Variants in PTPRD observed in about 807,000 individuals in gnomAD.
The protein encoded by PTPRD is protein tyrosine phosphatase receptor type D.
PTPRD carries 34 observed loss-of-function variants against 214.5 expected under a neutral mutation model. The ratio of observed to expected loss-of-function variants is 0.16; its 90% CI spans 0.12 to 0.21. PTPRD has a LOEUF of 0.21. PTPRD is among the 10% of genes least tolerant of loss of function. The pLI is 1.00. For synonymous variants in PTPRD, 1,128 were observed against 845.7 expected (o/e 1.33, Z -5.79); for missense variants, 2,545 against 2,398.7 (o/e 1.06, Z -1.27).
At chr9:10,207,067 A>G (rs913000652) in intron 3 of PTPRD, among the ~76,000 whole-genome samples, 3 of 152,144 alleles carry the variant, frequency 2.0e-5, no homozygotes, top group Non-Finnish European at 4.4e-5. Context: ...TTCATCATCT[A>G]TCTATATCTC....
intron 3 of PTPRD, among the ~76,000 whole-genome samples, chr9:10,084,434 A>AG (rs928455849): frequency 8.6e-5 from 13 of 151,966 alleles, no homozygotes; most frequent in Non-Finnish European, 1.9e-4. Flanking sequence ...AAATGATAGA[A>AG]GGGAAAAAAT....
intron 35 of PTPRD, among the ~76,000 whole-genome samples, chr9:8,435,136 A>C (rs762133211): frequency 1.1e-4 from 16 of 152,228 alleles, no homozygotes; most frequent in Non-Finnish European, 2.2e-4. Flanking sequence ...CTGGCTCTTG[A>C]GGGTGGAGGT....
chr9:10,422,554 AC>A (rs1168691467), intron 2 of PTPRD, among the ~76,000 whole-genome samples: 1 of 151,954 alleles, frequency 6.6e-6, no homozygotes, highest in African/African-American at 2.4e-5. Flanking sequence ...TTTGCAATCT[AC>A]CCATCTGACA....
intron 9 of PTPRD, among the ~76,000 whole-genome samples, chr9:9,338,279 T>C (rs1222034578): frequency 2.0e-5 from 3 of 152,180 alleles, no homozygotes; most frequent in South Asian, 4.1e-4. Flanking sequence ...GTCTATTCCA[T>C]GTTAGGAATT....
rs117392510 is a variant in PTPRD, at chr9:10,544,416, C to G, written c.-600+67982G>C. 6.2e-3 allele frequency among the ~76,000 whole-genome samples: 943 copies of G among 152,052 alleles called. 3 individuals carry two copies. The highest frequency in any genetic ancestry group is 9.7e-3 in the Non-Finnish European group (657 of 67,978). Reference sequence around the variant, plus strand: ...ATAATAGAATGTCTTTTCATTGTTGCTTTTTTCTTAATTCTTTTCATTGTT... The same window carrying G: ...ATAATAGAATGTCTTTTCATTGTTGGTTTTTTCTTAATTCTTTTCATTGTT... On this transcript the variant is annotated intron_variant, in intron 2 of 45. Transcript: ENST00000381196.
Position 8,648,489 on chromosome 9 carries a change from G to A in PTPRD, c.65-11645C>T, listed in dbSNP as rs138168167. ...TGAAGTCATTCTTACCATTCCTTAT[G>A]CCATAGTCATGCATTCTTAATGAAA... On this transcript the variant is annotated intron_variant, in intron 12 of 45. Transcript: ENST00000381196. 6.1e-4 allele frequency among the ~76,000 whole-genome samples: 93 copies of A among 152,260 alleles called. No individual in the cohort carries two copies. In the East Asian group the frequency reaches 0.018, roughly 29 times the overall value.
chr9:9,670,136 T>A (rs2096798917), intron 7 of PTPRD, among the ~76,000 whole-genome samples: 1 of 152,144 alleles, frequency 6.6e-6, no homozygotes, highest in Non-Finnish European at 1.5e-5. Flanking sequence ...AATTTGTAAT[T>A]TCTGTTGAAC....
At chr9:9,135,613 G>T (rs748807551) in intron 10 of PTPRD, among the ~76,000 whole-genome samples, 7 of 152,004 alleles carry the variant, frequency 4.6e-5, no homozygotes, top group Non-Finnish European at 1.0e-4. Context: ...GAAAATATTG[G>T]ATTTGAAGCT....
intron 3 of PTPRD, among the ~76,000 whole-genome samples, chr9:10,043,341 G>T (rs1313033046): frequency 6.6e-6 from 1 of 151,836 alleles, no homozygotes; most frequent in Non-Finnish European, 1.5e-5. Flanking sequence ...TCAAAATGAT[G>T]CTTGATAAAG....
intron 12 of PTPRD, among the ~76,000 whole-genome samples, chr9:8,687,420 A>T (rs2097703516): frequency 6.6e-6 from 1 of 152,238 alleles, no homozygotes; most frequent in African/African-American, 2.4e-5. Flanking sequence ...CCTTTTAAAT[A>T]AAGTTTGGTA....
intron 3 of PTPRD, among the ~76,000 whole-genome samples, chr9:10,231,989 A>AGAGAGAGAGAGAGTGTGT (rs1245284728): frequency 2.4e-4 from 22 of 92,498 alleles, no homozygotes; most frequent in African/African-American, 9.5e-4. Context: ...AGAGAGAGAG[A>AGAGAGAGAGAGAGTGTGT]GTGTGTGTGT....
chr9:9,788,817 C>G (rs902407304), intron 5 of PTPRD, among the ~76,000 whole-genome samples: 9 of 151,834 alleles, frequency 5.9e-5, no homozygotes, highest in Non-Finnish European at 1.3e-4. Flanking sequence ...AGTTGACATG[C>G]AATAATCAGT....
chr9:8,752,219 G>A (rs12343509), intron 11 of PTPRD, among the ~76,000 whole-genome samples: 7,364 of 152,208 alleles, frequency 0.048, 446 homozygotes, highest in African/African-American at 0.14. Flanking sequence ...CAAGATACAG[G>A]TCATAAAGAT....
At chr9:9,712,989 C>T (rs1785425508) in intron 7 of PTPRD, among the ~76,000 whole-genome samples, 1 of 152,148 alleles carries the variant, frequency 6.6e-6, no homozygotes, top group Admixed American at 6.6e-5. Flanking sequence ...TAATCTTGTC[C>T]AGTTTAACTT....
intron 5 of PTPRD, among the ~76,000 whole-genome samples, chr9:9,805,825 CCTATT>C (rs1330045383): frequency 6.6e-6 from 1 of 152,068 alleles, no homozygotes; most frequent in Non-Finnish European, 1.5e-5. Flanking sequence ...GAAAAATACT[CCTATT>C]GAGTGAGAAA....
rs778750787 is a variant in PTPRD, at chr9:8,436,731, G to C, written c.3989-42C>G. 2.7e-6 allele frequency: 4 copies of C among 1,476,404 alleles called. No individual in the cohort carries two copies. The South Asian group carries it at 4.6e-5, about 17-fold the overall frequency. 91.5% of individuals were successfully genotyped at this position (1,476,404 alleles called of 1,614,324 possible). On this transcript the variant is annotated intron_variant, in intron 34 of 45. Coordinates refer to ENST00000381196, the MANE Select transcript of PTPRD (RefSeq NM_002839.4). ...AGAAGAAACACATTTGAAAACAAAT[G>C]AAAATGATGCTAACTATTCCAAAAT...
At chr9:8,488,360 T>C (rs2097077835) in intron 27 of PTPRD, among the ~76,000 whole-genome samples, 1 of 152,212 alleles carries the variant, frequency 6.6e-6, no homozygotes, top group Non-Finnish European at 1.5e-5. Context: ...TAATCTACAA[T>C]GTATGAAAAC....
At chr9:9,201,450 C>G (rs2099941789) in intron 9 of PTPRD, among the ~76,000 whole-genome samples, 1 of 152,036 alleles carries the variant, frequency 6.6e-6, no homozygotes, top group Non-Finnish European at 1.5e-5. Context: ...TTATTTTGAT[C>G]AGTCTTCCTA....
intron 3 of PTPRD, among the ~76,000 whole-genome samples, chr9:10,036,188 T>C (rs1478952459): frequency 1.3e-5 from 2 of 152,176 alleles, no homozygotes; most frequent in East Asian, 3.9e-4. Flanking sequence ...CAGAACAGGT[T>C]AGGACTGACA....
Sources: allele counts gnomAD v4.1 joint callset (sites outside exome capture counted in the v4.1 genomes callset), GRCh38; gene constraint gnomAD v4.1.1; transcripts MANE v1.5; gene names NCBI Gene and HGNC (gene_info 2026-07-23, HGNC 2026-07-21).